Variants in SLC44A5 observed in about 807,000 individuals in gnomAD.
The protein encoded by SLC44A5 is choline transporter-like protein 5.
SLC44A5 carries 57 observed loss-of-function variants against 101.8 expected under a neutral mutation model. The ratio of observed to expected loss-of-function variants is 0.56; its 90% CI spans 0.45 to 0.70. The LOEUF (loss-of-function observed/expected upper bound fraction) is 0.70, where lower values mean the gene tolerates loss of function less well. Among genes scored for constraint, SLC44A5 ranks in the 30% least tolerant of loss-of-function variants. The pLI, the probability that SLC44A5 is intolerant of heterozygous loss-of-function variation, is 0.00. For missense variants in SLC44A5, 737 were observed against 853.1 expected, an observed-to-expected ratio of 0.86 and a Z score of 1.70; for synonymous variants, 281 against 290.9, an observed-to-expected ratio of 0.97 and a Z score of 0.35.
chr1:75,691,064 A>G, the SLC44A5 span, among the ~76,000 whole-genome samples: 1 of 150,066 alleles, frequency 6.7e-6, no homozygotes. Context: ...ATACACATGC[A>G]CCCCCCCCTT....
intron 2 of SLC44A5, among the ~76,000 whole-genome samples, chr1:75,536,734 C>T (rs1230336482): frequency 6.7e-6 from 1 of 148,954 alleles, no homozygotes; most frequent in Non-Finnish European, 1.5e-5. Flanking sequence ...AGGCCGGGCG[C>T]GGTGGCTCAC....
chr1:75,654,269 CTTAT>C, the SLC44A5 span, among the ~76,000 whole-genome samples: 1 of 152,142 alleles, frequency 6.6e-6, no homozygotes, highest in Non-Finnish European at 1.5e-5. Context: ...AAAACAGAAA[CTTAT>C]TTGTCTATAT....
At chr1:75,467,363 G>C (rs552591440) in intron 2 of SLC44A5, among the ~76,000 whole-genome samples, 1 of 151,978 alleles carries the variant, frequency 6.6e-6, no homozygotes, top group Non-Finnish European at 1.5e-5. Flanking sequence ...AGAGGACCCA[G>C]AATAACCAAA....
intron 2 of SLC44A5, among the ~76,000 whole-genome samples, chr1:75,453,128 A>T (rs1285755963): frequency 6.6e-6 from 1 of 152,178 alleles, no homozygotes; most frequent in Non-Finnish European, 1.5e-5. Flanking sequence ...AAGACGGACC[A>T]CATTCTTGAT....
chr1:75,440,260 T>C (rs540856189), intron 2 of SLC44A5, among the ~76,000 whole-genome samples: 46 of 152,200 alleles, frequency 3.0e-4, no homozygotes, highest in African/African-American at 1.1e-3. Flanking sequence ...TTTAAAATCA[T>C]TGTGGTTTGA....
chr1:75,207,916 C>T (rs1001889721), intron 23 of SLC44A5, among the ~76,000 whole-genome samples: 4 of 152,154 alleles, frequency 2.6e-5, no homozygotes, highest in African/African-American at 7.2e-5. Flanking sequence ...ACCTTGCTGT[C>T]TAGGATGCTC....
At chr1:75,352,068 G>A (rs1168297314) in intron 3 of SLC44A5, among the ~76,000 whole-genome samples, 1 of 151,836 alleles carries the variant, frequency 6.6e-6, no homozygotes, top group Non-Finnish European at 1.5e-5. Context: ...TTTCTTTGGA[G>A]TACTGATAAA....
At chr1:75,489,833 G>A (rs996049181) in intron 2 of SLC44A5, among the ~76,000 whole-genome samples, 1 of 152,048 alleles carries the variant, frequency 6.6e-6, no homozygotes, top group Non-Finnish European at 1.5e-5. Flanking sequence ...ACTTTTAATA[G>A]TAAGCAAAAT....
At chr1:75,237,606 C>G (rs1353883442) in intron 10 of SLC44A5, among the ~76,000 whole-genome samples, 1 of 152,022 alleles carries the variant, frequency 6.6e-6, no homozygotes, top group Non-Finnish European at 1.5e-5. Flanking sequence ...TCAAAGTAAC[C>G]ACTATTCTGA....
chr1:75,249,816 G>C (rs1649411399), intron 7 of SLC44A5, among the ~76,000 whole-genome samples: 1 of 152,096 alleles, frequency 6.6e-6, no homozygotes, highest in Non-Finnish European at 1.5e-5. Flanking sequence ...GTGTTCTGGA[G>C]GCCAGAGAGG....
chr1:75,514,604 T>C (rs554873757), intron 2 of SLC44A5, among the ~76,000 whole-genome samples: 1 of 152,358 alleles, frequency 6.6e-6, no homozygotes, highest in East Asian at 1.9e-4. Flanking sequence ...CATTAAGTAA[T>C]TAGTGTCTTT....
chr1:75,641,393 CT>C, the SLC44A5 span: 1 of 961,684 alleles, frequency 1.0e-6, no homozygotes, highest in Non-Finnish European at 1.7e-6. Flanking sequence ...TGTATATGAG[CT>C]TGATTTTTGT....
At chr1:75,461,048 A>G (rs1363276512) in intron 2 of SLC44A5, among the ~76,000 whole-genome samples, 1 of 152,196 alleles carries the variant, frequency 6.6e-6, no homozygotes. Flanking sequence ...GAAGCAACCC[A>G]ATGTCCGAGA....
the SLC44A5 span, among the ~76,000 whole-genome samples, chr1:75,664,807 G>C: frequency 1.3e-5 from 2 of 151,716 alleles, no homozygotes; most frequent in Admixed American, 1.3e-4. Flanking sequence ...TGTAGTCCCA[G>C]CTACTCAGGA....
the SLC44A5 span, among the ~76,000 whole-genome samples, chr1:75,635,573 G>T: frequency 6.8e-6 from 1 of 147,342 alleles, no homozygotes; most frequent in South Asian, 2.2e-4. Context: ...ACCAAACACC[G>T]CATGTTCTCA....
At chr1:75,452,059 GATACT>G (rs1665937452) in intron 2 of SLC44A5, among the ~76,000 whole-genome samples, 1 of 152,112 alleles carries the variant, frequency 6.6e-6, no homozygotes, top group African/African-American at 2.4e-5. Flanking sequence ...ACACCAGTAA[GATACT>G]ATACAAAACA....
chr1:75,536,534 A>G (rs211748), intron 2 of SLC44A5, among the ~76,000 whole-genome samples: 36,892 of 145,606 alleles, frequency 0.25, 5,022 homozygotes, highest in African/African-American at 0.32. Flanking sequence ...CCGGGAAGCG[A>G]AGCTTGCAGT....
chr1:75,253,946 T>A (rs1187090530), intron 6 of SLC44A5, among the ~76,000 whole-genome samples: 1 of 152,184 alleles, frequency 6.6e-6, no homozygotes, highest in Non-Finnish European at 1.5e-5. Context: ...CTCAAAGTTT[T>A]TTCAAGTAAG....
chr1:75,633,521 T>C, the SLC44A5 span, among the ~76,000 whole-genome samples: 1 of 152,174 alleles, frequency 6.6e-6, no homozygotes. Context: ...GCTCTCTGTA[T>C]GTCTGTTATT....
Sources: allele counts gnomAD v4.1 joint callset (sites outside exome capture counted in the v4.1 genomes callset), GRCh38; gene constraint gnomAD v4.1.1; transcripts MANE v1.5; gene names NCBI Gene and HGNC (gene_info 2026-07-23, HGNC 2026-07-21).